Variants in NYAP2 observed in about 807,000 individuals in gnomAD.
The protein encoded by NYAP2 is neuronal tyrosine-phosphorylated phosphoinositide-3-kinase adapter 2.
NYAP2 carries 23 observed loss-of-function variants against 50.4 expected under a neutral mutation model. The observed-to-expected ratio is 0.46, with a 90% CI of 0.33 to 0.65. The LOEUF is 0.65. Ranked by LOEUF, NYAP2 falls within the 30% of genes least tolerant of loss-of-function variation. The pLI is 0.02. For missense variants in NYAP2, 885 were observed against 861.0 expected (o/e 1.03, Z -0.35); for synonymous variants, 394 against 365.2 (o/e 1.08, Z -0.90).
chr2:225,550,382 A>C (rs754847562), intron 4 of NYAP2, among the ~76,000 whole-genome samples: 27 of 152,134 alleles, frequency 1.8e-4, no homozygotes, highest in Admixed American at 2.6e-4. Context: ...AATCATTGAG[A>C]GCTTAATTAG....
intron 3 of NYAP2, among the ~76,000 whole-genome samples, chr2:225,510,556 T>A (rs1156443401): frequency 6.6e-6 from 1 of 152,188 alleles, no homozygotes; most frequent in Non-Finnish European, 1.5e-5. Context: ...AATCTTCAAT[T>A]TGTTTTGGGC....
chr2:225,488,536 G>A (rs893863881), intron 3 of NYAP2, among the ~76,000 whole-genome samples: 1 of 152,092 alleles, frequency 6.6e-6, no homozygotes, highest in Non-Finnish European at 1.5e-5. Flanking sequence ...ACCAAGCCCA[G>A]CTAATTTTTG....
At chr2:225,596,451 C>A (rs1292757343) in intron 5 of NYAP2, among the ~76,000 whole-genome samples, 1 of 152,074 alleles carries the variant, frequency 6.6e-6, no homozygotes, top group Non-Finnish European at 1.5e-5. Context: ...AGCATGTGTT[C>A]AACTATTTGA....
intron 3 of NYAP2, among the ~76,000 whole-genome samples, chr2:225,466,178 A>G (rs976912793): frequency 6.6e-6 from 1 of 152,156 alleles, no homozygotes. Context: ...TGAATATACT[A>G]TTTCTCCAAA....
chr2:225,696,404 T>A, the NYAP2 span, among the ~76,000 whole-genome samples: 2 of 151,928 alleles, frequency 1.3e-5, no homozygotes, highest in Non-Finnish European at 2.9e-5. Flanking sequence ...GGCAATGGTT[T>A]ACTGTTTTTA....
intron 3 of NYAP2, among the ~76,000 whole-genome samples, chr2:225,465,288 TC>T (rs1354068332): frequency 1.3e-5 from 2 of 152,058 alleles, no homozygotes; most frequent in Non-Finnish European, 2.9e-5. Context: ...AACCTGACCC[TC>T]CTGCAGATAT....
the NYAP2 span, among the ~76,000 whole-genome samples, chr2:225,682,732 G>A: frequency 6.6e-6 from 1 of 152,082 alleles, no homozygotes; most frequent in Non-Finnish European, 1.5e-5. Context: ...TTTGGAATGA[G>A]ACCTAGGAGT....
chr2:225,673,118 G>C, the NYAP2 span, among the ~76,000 whole-genome samples: 1 of 152,006 alleles, frequency 6.6e-6, no homozygotes, highest in South Asian at 2.1e-4. Flanking sequence ...TATATGGATG[G>C]TGGCAGGCAA....
At chr2:225,672,747 T>C in the NYAP2 span, among the ~76,000 whole-genome samples, 2 of 151,946 alleles carry the variant, frequency 1.3e-5, no homozygotes, top group Non-Finnish European at 2.9e-5. Flanking sequence ...CACTGTAGGG[T>C]TATTAATTGG....
chr2:225,485,513 T>A (rs1050586986), intron 3 of NYAP2, among the ~76,000 whole-genome samples: 1 of 152,202 alleles, frequency 6.6e-6, no homozygotes, highest in African/African-American at 2.4e-5. Flanking sequence ...CTAAGATGAA[T>A]GTACTCCCTT....
At chr2:225,493,752 T>A (rs1346537283) in intron 3 of NYAP2, among the ~76,000 whole-genome samples, 2 of 152,356 alleles carry the variant, frequency 1.3e-5, no homozygotes, top group African/African-American at 4.8e-5. Flanking sequence ...AACAGTGACC[T>A]TTATAGGGAA....
At chr2:225,656,989 G>A (rs1182475097), downstream of NYAP2, among the ~76,000 whole-genome samples, 1 of 151,784 alleles carries the variant, frequency 6.6e-6, no homozygotes, top group Non-Finnish European at 1.5e-5. Flanking sequence ...GAACTTTCTA[G>A]ATAGTACATT....
chr2:225,647,017 A>G (rs1488058024), intron 6 of NYAP2, among the ~76,000 whole-genome samples: 1 of 152,182 alleles, frequency 6.6e-6, no homozygotes, highest in Admixed American at 6.5e-5. Context: ...GGGGAAATTA[A>G]TCTTTAGGTA....
intron 4 of NYAP2, among the ~76,000 whole-genome samples, chr2:225,573,914 A>C (rs1692122893): frequency 6.6e-6 from 1 of 152,120 alleles, no homozygotes; most frequent in Admixed American, 6.5e-5. Flanking sequence ...ATTTCAGGAG[A>C]GGGAGATAGA....
intron 3 of NYAP2, among the ~76,000 whole-genome samples, chr2:225,411,693 A>G (rs1472419728): frequency 6.6e-6 from 1 of 152,106 alleles, no homozygotes. Flanking sequence ...AAGAACGGTT[A>G]GTGAGAGGGG....
chr2:225,434,194 G>A (rs1689330989), intron 3 of NYAP2, among the ~76,000 whole-genome samples: 1 of 152,168 alleles, frequency 6.6e-6, no homozygotes, highest in Non-Finnish European at 1.5e-5. Flanking sequence ...AGCTGCAATA[G>A]GTAAGATTGG....
chr2:225,421,064 C>T (rs1244621068), intron 3 of NYAP2, among the ~76,000 whole-genome samples: 5 of 151,620 alleles, frequency 3.3e-5, no homozygotes, highest in African/African-American at 7.3e-5. Context: ...CTAGGACCAC[C>T]GTCACACACC....
At chr2:225,644,885 A>G (rs914354994) in intron 6 of NYAP2, among the ~76,000 whole-genome samples, 15 of 152,246 alleles carry the variant, frequency 9.9e-5, no homozygotes, top group African/African-American at 3.6e-4. Context: ...TGATGCCTCC[A>G]GCTTTGTTCT....
the NYAP2 span, among the ~76,000 whole-genome samples, chr2:225,691,847 A>C: frequency 4.9e-4 from 75 of 152,214 alleles, 1 homozygote; most frequent in Admixed American, 9.8e-4. Context: ...GAACTTTGAG[A>C]ACTCCAGCTT....
Sources: allele counts gnomAD v4.1 joint callset (sites outside exome capture counted in the v4.1 genomes callset), GRCh38; gene constraint gnomAD v4.1.1; transcripts MANE v1.5; gene names NCBI Gene and HGNC (gene_info 2026-07-23, HGNC 2026-07-21).